Variants in NRG1 observed in about 807,000 individuals in gnomAD.
NRG1 encodes the protein neuregulin 1.
In NRG1, 18 loss-of-function variants were observed where a neutral mutation model predicts 63.8. That is an observed-to-expected ratio of 0.28 (90% CI 0.19 to 0.42). The LOEUF (loss-of-function observed/expected upper bound fraction) is 0.42. Among genes scored for constraint, NRG1 ranks in the 10% least tolerant of loss-of-function variants. NRG1 has a pLI of 1.00. For synonymous variants in NRG1, 302 were observed against 301.3 expected, an observed-to-expected ratio of 1.00 and a Z score of -0.02; for missense variants, 762 against 814.7, an observed-to-expected ratio of 0.94 and a Z score of 0.79.
At chr8:32,770,524 T>G (rs1831717148), downstream of NRG1, among the ~76,000 whole-genome samples, 1 of 152,182 alleles carries the variant, frequency 6.6e-6, no homozygotes, top group African/African-American at 2.4e-5. Flanking sequence ...CTAAGTTTCT[T>G]TTTAGAAGAA....
chr8:31,951,920 T>C (rs1300363988), intron 1 of NRG1, among the ~76,000 whole-genome samples: 1 of 152,220 alleles, frequency 6.6e-6, no homozygotes, highest in African/African-American at 2.4e-5. Flanking sequence ...TAAAATGCTC[T>C]TTCACTAAGA....
rs541819813 is a variant in NRG1 at position 32,088,310 on chromosome 8, A to G, written c.37+448879A>G. ...ACGAAAATTCAACAAGTATCTGTTG[A>G]TGGATAAATAATCATGGAAAATAAA... is the stretch of plus-strand genomic sequence containing the variant. On this transcript the variant is annotated intron_variant, in intron 1 of 10. Transcript: ENST00000519301. Among the ~76,000 whole-genome samples, 6 of 152,320 alleles carry G rather than the reference A, an allele frequency of 3.9e-5. 1 individual carries two copies. Among genetic ancestry groups the G allele is most frequent in the East Asian group, 3.9e-4 (2 of 5,182 alleles).
Position 32,320,159 on chromosome 8 carries a change from T to C in NRG1, c.38-275669T>C, listed in dbSNP as rs1333352171. ...TCTGCATCATACATCATACTATTGT[T>C]ATGATTTTTAAATTAAAAATATATG... On this transcript the variant is annotated intron_variant, in intron 1 of 10. Coordinates refer to the NRG1 transcript ENST00000519301. Among the ~76,000 whole-genome samples, 3 of 152,190 alleles carry C rather than the reference T, an allele frequency of 2.0e-5. No homozygotes were observed. In the East Asian group the frequency reaches 5.8e-4, roughly 29 times the overall value.
chr8:32,138,370 G>A (rs1234735832), intron 1 of NRG1, among the ~76,000 whole-genome samples: 1 of 151,676 alleles, frequency 6.6e-6, no homozygotes, highest in African/African-American at 2.4e-5. Context: ...TTCAAGCAGG[G>A]GAATACAAAC....
chr8:31,639,278 T>C, exon 1 of NRG1: 2 of 1,300,386 alleles, frequency 1.5e-6, no homozygotes, highest in Non-Finnish European at 2.1e-6. Flanking sequence ...GACTGCAGCC[T>C]GTTTGCCGCC....
intron 2 of NRG1, among the ~76,000 whole-genome samples, chr8:32,602,050 A>G (rs1260886675): frequency 3.3e-5 from 5 of 152,108 alleles, no homozygotes; most frequent in African/African-American, 1.2e-4. Flanking sequence ...TCTCGATCAA[A>G]TTGAATCTTA....
chr8:32,151,046 C>A (rs569349549), intron 1 of NRG1, among the ~76,000 whole-genome samples: 21 of 152,118 alleles, frequency 1.4e-4, no homozygotes, highest in South Asian at 4.2e-4. Context: ...GAAATTGTTT[C>A]AGGAAGAAGT....
intron 1 of NRG1, among the ~76,000 whole-genome samples, chr8:32,184,065 T>A (rs1051678535): frequency 8.6e-5 from 12 of 140,264 alleles, no homozygotes; most frequent in Non-Finnish European, 1.4e-4. Context: ...ACAATACACA[T>A]ACACACACAC....
chr8:31,765,621 T>G (rs538956673), intron 1 of NRG1, among the ~76,000 whole-genome samples: 5 of 152,314 alleles, frequency 3.3e-5, no homozygotes, highest in African/African-American at 1.2e-4. Context: ...CTAGCTGCCT[T>G]CACATGGGCA....
At chr8:32,268,242 C>A (rs935240970) in intron 1 of NRG1, among the ~76,000 whole-genome samples, 1 of 152,152 alleles carries the variant, frequency 6.6e-6, no homozygotes, top group Non-Finnish European at 1.5e-5. Flanking sequence ...TTGATTACAG[C>A]TTTATGAGAT....
chr8:32,391,009 C>T (rs1811682106), intron 1 of NRG1, among the ~76,000 whole-genome samples: 1 of 152,066 alleles, frequency 6.6e-6, no homozygotes, highest in Non-Finnish European at 1.5e-5. Flanking sequence ...GACATTTTTT[C>T]AATATTTTAG....
intron 1 of NRG1, among the ~76,000 whole-genome samples, chr8:32,503,163 TGTAGTCCCAGCTACTCAG>T (rs1443973247): frequency 6.6e-6 from 1 of 151,384 alleles, no homozygotes; most frequent in Non-Finnish European, 1.5e-5. Flanking sequence ...GGCGGGCGCC[TGTAGTCCCAGCTACTCAG>T]GAGGCTGAGG....
At chr8:31,916,307 C>T (rs1235935423) in intron 1 of NRG1, among the ~76,000 whole-genome samples, 1 of 152,070 alleles carries the variant, frequency 6.6e-6, no homozygotes, top group African/African-American at 2.4e-5. Context: ...GTGCGCTGCA[C>T]CCACTAACTC....
At chr8:32,083,745 TAA>T (rs1827833737) in intron 1 of NRG1, among the ~76,000 whole-genome samples, 1 of 151,702 alleles carries the variant, frequency 6.6e-6, no homozygotes, top group Non-Finnish European at 1.5e-5. Context: ...TAGAAAACAT[TAA>T]GTCTTATTTC....
At chr8:32,168,225 A>G (rs1018267675) in intron 1 of NRG1, among the ~76,000 whole-genome samples, 4 of 152,214 alleles carry the variant, frequency 2.6e-5, no homozygotes, top group Admixed American at 2.6e-4. Flanking sequence ...TGGGAAACTC[A>G]ATCCCAGTGA....
intron 1 of NRG1, among the ~76,000 whole-genome samples, chr8:32,314,142 T>C (rs2129476139): frequency 6.6e-6 from 1 of 152,040 alleles, no homozygotes; most frequent in African/African-American, 2.4e-5. Context: ...ATTCATCACA[T>C]GCTTAGTCTT....
At chr8:32,527,238 C>T (rs538889942) in intron 1 of NRG1, among the ~76,000 whole-genome samples, 2 of 152,252 alleles carry the variant, frequency 1.3e-5, no homozygotes, top group African/African-American at 4.8e-5. Flanking sequence ...ATGGAATCAA[C>T]CTAAGTGTCC....
chr8:32,752,781 A>G (rs1828985321), intron 7 of NRG1, among the ~76,000 whole-genome samples: 4 of 151,846 alleles, frequency 2.6e-5, no homozygotes, highest in South Asian at 2.1e-4. Flanking sequence ...TTGTTTTTGT[A>G]TACTCTATGC....
chr8:31,913,998 G>A (rs1172502639), intron 1 of NRG1, among the ~76,000 whole-genome samples: 1 of 152,166 alleles, frequency 6.6e-6, no homozygotes, highest in Non-Finnish European at 1.5e-5. Flanking sequence ...GTACATCATA[G>A]CAACCCACTA....
Sources: gnomAD v4.1 joint callset for allele counts (sites outside exome capture counted in the v4.1 genomes callset) on GRCh38, gnomAD v4.1.1 for gene constraint, MANE v1.5 for transcripts, NCBI Gene and HGNC (gene_info 2026-07-23, HGNC 2026-07-21) for gene names.